The following CHRM3 variants were observed in gnomAD, a reference collection of about 807,000 sequenced individuals.
The protein encoded by CHRM3 is muscarinic acetylcholine receptor M3.
Under a neutral mutation model 41.8 loss-of-function variants are expected in CHRM3, and 11 were observed. That is an observed-to-expected ratio of 0.26 (90% CI 0.17 to 0.44). The LOEUF (loss-of-function observed/expected upper bound fraction) is 0.44. Ranked by LOEUF, CHRM3 falls within the 20% of genes least tolerant of loss-of-function variation. CHRM3 has a pLI of 1.00. For synonymous variants in CHRM3, 297 were observed against 301.4 expected (o/e 0.99, Z 0.15); for missense variants, 571 against 745.4 (o/e 0.77, Z 2.72).
chr1:239,745,877 G>A (rs534710318), intron 5 of CHRM3, among the ~76,000 whole-genome samples: 2 of 152,176 alleles, frequency 1.3e-5, no homozygotes, highest in South Asian at 4.1e-4. Flanking sequence ...TCTTGAAGGA[G>A]TTTCTTATCT....
chr1:239,499,191 G>A (rs1297264138), intron 2 of CHRM3, among the ~76,000 whole-genome samples: 2 of 152,070 alleles, frequency 1.3e-5, no homozygotes, highest in Non-Finnish European at 2.9e-5. Context: ...ATTTAGAAGG[G>A]ATTTGGCTTC....
intron 1 of CHRM3, among the ~76,000 whole-genome samples, chr1:239,400,708 C>G (rs1659893819): frequency 6.6e-6 from 1 of 152,062 alleles, no homozygotes; most frequent in Non-Finnish European, 1.5e-5. Flanking sequence ...TGAAGAGTAT[C>G]CTTTCTTCAT....
At chr1:239,525,455 C>CTT (rs35598896) in intron 2 of CHRM3, among the ~76,000 whole-genome samples, 7 of 149,476 alleles carry the variant, frequency 4.7e-5, no homozygotes, top group Non-Finnish European at 1.0e-4. Flanking sequence ...CTTTTTGTTT[C>CTT]TTTTTTTTAA....
At chr1:239,812,261 T>C (rs1671179225) in intron 5 of CHRM3, among the ~76,000 whole-genome samples, 1 of 152,180 alleles carries the variant, frequency 6.6e-6, no homozygotes, top group African/African-American at 2.4e-5. Flanking sequence ...GCTTGTCTCA[T>C]ACTCCCCAGC....
At position 239,759,082 on chromosome 1, in the gene CHRM3, G is replaced by A. The variant is rs568693448; in HGVS notation, c.-146-68170G>A. Among the ~76,000 whole-genome samples, 346 of 151,454 alleles carry A rather than the reference G, an allele frequency of 2.3e-3. 2 individuals are homozygous for A. Among genetic ancestry groups the A allele is most frequent in the Non-Finnish European group, 3.9e-3 (262 of 67,946 alleles). The stretch of plus-strand genomic sequence containing the variant: ...GTCAAGCATTCAGGTTTATTAAATG[G>A]CTCCATACCTAAAGCAAAAAAGCAG... On this transcript the variant is annotated intron_variant, in intron 5 of 6. Transcript: ENST00000676153.
intron 6 of CHRM3, among the ~76,000 whole-genome samples, chr1:239,837,349 A>C (rs1325812496): frequency 6.6e-6 from 1 of 152,188 alleles, no homozygotes; most frequent in Non-Finnish European, 1.5e-5. Context: ...GAAGCTGTAG[A>C]AATCATCGAA....
chr1:239,851,638 C>T (rs1471893371), intron 6 of CHRM3, among the ~76,000 whole-genome samples: 4 of 152,156 alleles, frequency 2.6e-5, no homozygotes, highest in African/African-American at 9.7e-5. Context: ...ATAGCAACAT[C>T]TGACACCTTC....
chr1:239,690,528 C>T (rs981725775), intron 5 of CHRM3, among the ~76,000 whole-genome samples: 6 of 151,888 alleles, frequency 4.0e-5, no homozygotes, highest in African/African-American at 1.2e-4. Context: ...TGCACCCGGC[C>T]CTGAAATTTC....
Position 239,881,600 on chromosome 1 carries a change from T to G in CHRM3, c.-19-25833T>G, listed in dbSNP as rs1677643002. On this transcript the variant is annotated intron_variant, in intron 6 of 6. Coordinates refer to ENST00000676153, the MANE Select transcript of CHRM3 (RefSeq NM_001375978.1). ...AACATCCGAATCTCCAGATTTTACC[T>G]TAATTGTACCAGGGTTCTTTCCCAA... Among the ~76,000 whole-genome samples the G allele has an allele frequency of 2.0e-5, 3 of 152,178 alleles. No individual in the cohort carries two copies. In the South Asian group the frequency reaches 6.2e-4, roughly 31 times the overall value.
At chr1:239,494,930 T>A (rs1175939339) in intron 2 of CHRM3, among the ~76,000 whole-genome samples, 3 of 152,102 alleles carry the variant, frequency 2.0e-5, no homozygotes, top group Non-Finnish European at 4.4e-5. Context: ...TTCATCTCTT[T>A]CTCCCTCTGG....
rs1421518683 is a variant in CHRM3, at chr1:239,913,347, G to A, written c.*4123G>A. ...ACTGTATAGATTACAACACTCCAAA[G>A]TTATTTTTTTTTAACCTAAAGAACC... is the stretch of plus-strand genomic sequence containing the variant. On this transcript the variant is annotated 3_prime_UTR_variant, in exon 7 of 7. Coordinates refer to ENST00000676153, the MANE Select transcript of CHRM3 (RefSeq NM_001375978.1). 1 of 160,788 alleles carries A rather than the reference G, an allele frequency of 6.2e-6. No individual in the cohort carries two copies. The highest frequency in any genetic ancestry group is 1.5e-5 in the Non-Finnish European group (1 of 68,074). 10.0% of individuals were successfully genotyped at this position (160,788 alleles called of 1,614,324 possible).
At chr1:239,582,085 A>G (rs2148594042) in intron 3 of CHRM3, among the ~76,000 whole-genome samples, 2 of 152,300 alleles carry the variant, frequency 1.3e-5, no homozygotes, top group East Asian at 3.9e-4. Context: ...TTCTTGTGAA[A>G]GAGCACAATG....
At chr1:239,644,369 T>C (rs996568414) in intron 4 of CHRM3, among the ~76,000 whole-genome samples, 5 of 144,136 alleles carry the variant, frequency 3.5e-5, no homozygotes, top group African/African-American at 1.2e-4. Flanking sequence ...GGCTCTGTCC[T>C]GTTCCCCCAG....
intron 3 of CHRM3, among the ~76,000 whole-genome samples, chr1:239,586,734 C>G (rs1334073108): frequency 6.6e-6 from 1 of 152,048 alleles, no homozygotes; most frequent in Non-Finnish European, 1.5e-5. Context: ...TGCTATAAGA[C>G]TCTAAATTTC....
chr1:239,729,639 G>A (rs562881497), intron 5 of CHRM3, among the ~76,000 whole-genome samples: 3 of 151,924 alleles, frequency 2.0e-5, no homozygotes. Flanking sequence ...TGGTGAGATT[G>A]ATGGTGAGAT....
intron 5 of CHRM3, among the ~76,000 whole-genome samples, chr1:239,756,565 C>T (rs1221835962): frequency 1.3e-5 from 2 of 151,740 alleles, no homozygotes; most frequent in African/African-American, 4.8e-5. Flanking sequence ...ATTCTAATAC[C>T]CAATGTCTAA....
chr1:239,691,303 A>G (rs1659696728), intron 5 of CHRM3, among the ~76,000 whole-genome samples: 1 of 152,148 alleles, frequency 6.6e-6, no homozygotes, highest in Non-Finnish European at 1.5e-5. Context: ...AGAACTTGCA[A>G]TGGTTGGGTT....
chr1:239,419,604 G>T (rs894305853), intron 1 of CHRM3, among the ~76,000 whole-genome samples: 1 of 152,078 alleles, frequency 6.6e-6, no homozygotes, highest in Non-Finnish European at 1.5e-5. Flanking sequence ...ATAAAAGAGG[G>T]CTCAGACCGT....
At chr1:239,623,497 A>AT (rs1463754765) in intron 3 of CHRM3, among the ~76,000 whole-genome samples, 224 of 85,074 alleles carry the variant, frequency 2.6e-3, no homozygotes, top group African/African-American at 8.8e-3. Flanking sequence ...TTTTTTTTTT[A>AT]ATTTTTTTTT....
Sources: gnomAD v4.1 joint callset for allele counts (sites outside exome capture counted in the v4.1 genomes callset) on GRCh38, gnomAD v4.1.1 for gene constraint, MANE v1.5 for transcripts, NCBI Gene and HGNC (gene_info 2026-07-23, HGNC 2026-07-21) for gene names.